The following SF3B2 variants were observed in gnomAD, a reference collection of about 807,000 sequenced individuals.
SF3B2 encodes the protein SAP 145.
A neutral mutation model predicts 116.3 loss-of-function variants in SF3B2; 22 were observed. The ratio of observed to expected loss-of-function variants is 0.19; its 90% CI spans 0.14 to 0.27. The LOEUF (loss-of-function observed/expected upper bound fraction) is 0.27. Among genes scored for constraint, SF3B2 ranks in the 10% least tolerant of loss-of-function variants. SF3B2 has a pLI of 1.00. For synonymous variants in SF3B2, 406 were observed against 421.6 expected (o/e 0.96, Z 0.45); for missense variants, 767 against 1,151.4 (o/e 0.67, Z 4.83).
intron 6 of SF3B2, 138 bp from the exon 7 acceptor site, chr11:66,057,128 C>T (rs966026791): frequency 2.3e-6 from 2 of 852,198 alleles, no homozygotes; most frequent in Non-Finnish European, 4.1e-6. Context: ...TGATCCAAAA[C>T]ATTACCAGCA....
chr11:66,067,584 C>G (rs1436046816), intron 19 of SF3B2: 8 of 464,934 alleles, frequency 1.7e-5, no homozygotes, highest in African/African-American at 4.0e-5. Context: ...GCATGACATT[C>G]TTCGGGTGGG....
intron 13 of SF3B2, 91 bp downstream of exon 13, chr11:66,060,100 C>T: frequency 9.4e-7 from 1 of 1,067,260 alleles, no homozygotes; most frequent in Non-Finnish European, 1.4e-6. Context: ...TTGAAACCCA[C>T]CTACCACCTA....
At chr11:66,055,912 G>C (rs1856985838) in intron 5 of SF3B2, 2 of 314,104 alleles carry the variant, frequency 6.4e-6, no homozygotes, top group East Asian at 1.1e-4. Flanking sequence ...TATAAAAAGA[G>C]CCTGCTGACC....
At chr11:66,068,507 C>G (rs531755686) in intron 21 of SF3B2, 167 bp from the exon 22 acceptor site, 1 of 861,506 alleles carries the variant, frequency 1.2e-6, no homozygotes, top group Non-Finnish European at 1.8e-6. Flanking sequence ...TCTTTAAGGA[C>G]GATGAGGGGG....
chr11:66,061,586 C>G (rs1452273664), intron 14 of SF3B2, 100 bp from the exon 15 acceptor site: 3 of 873,926 alleles, frequency 3.4e-6, no homozygotes, highest in Non-Finnish European at 5.7e-6. Flanking sequence ...GAGTGGGAGC[C>G]AGGTAGCCCT....
chr11:66,056,659 A>G (rs1857000307), intron 5 of SF3B2, among the ~76,000 whole-genome samples, 179 bp from the exon 6 acceptor site: 1 of 152,086 alleles, frequency 6.6e-6, no homozygotes. Context: ...CGTTGTGATG[A>G]GAGGGCTCCT....
chr11:66,058,336 T>C lies in SF3B2; in HGVS notation c.897T>C (p.Asp299=), dbSNP rs150494844. The change falls in exon 9 of 22, where the codon GAT becomes GAC. Residue 299 remains aspartate (D), a synonymous_variant. Coordinates refer to ENST00000322535, the MANE Select transcript of SF3B2 (RefSeq NM_006842.3). ...CAGAGGAAGAGGAAATGGAAACAGA[T>C]GCTCGCTCGTCCCTGGGCCAGTCAG... ...SQQEEEEMET[D]ARSSLGQSAS... 328 of 1,613,870 alleles carry C rather than the reference T, an allele frequency of 2.0e-4. No homozygotes were observed. Among genetic ancestry groups the C allele is most frequent in the Non-Finnish European group, 2.8e-4 (325 of 1,180,000 alleles).
chr11:66,057,215 C>T lies in SF3B2; in HGVS notation c.668-51C>T, dbSNP rs745683375. Reference sequence around the variant, plus strand: ...TTTCAGCAAGAGAGGTAATTTTTTACGTGAGTGTTTTGCCTCTTCTGACAT... The same window carrying T: ...TTTCAGCAAGAGAGGTAATTTTTTATGTGAGTGTTTTGCCTCTTCTGACAT... On this transcript the variant is annotated intron_variant, in intron 6 of 21. Coordinates refer to ENST00000322535, the MANE Select transcript of SF3B2 (RefSeq NM_006842.3). 23 of 1,168,504 alleles carry T rather than the reference C, an allele frequency of 2.0e-5. No individual in the cohort carries two copies. In the East Asian group the frequency reaches 3.5e-4, roughly 18 times the overall value. 72.4% of individuals were successfully genotyped at this position (1,168,504 alleles called of 1,614,324 possible). A position where few individuals can be genotyped will look rare whatever the true frequency, so the allele number is the denominator to read the frequency against.
chr11:66,058,208 C>A (rs562245151), intron 8 of SF3B2, 58 bp downstream of exon 8: 1 of 1,576,906 alleles, frequency 6.3e-7, no homozygotes, highest in South Asian at 1.1e-5. Flanking sequence ...TGAGCTGAGT[C>A]CTCATCCCTC....
intron 6 of SF3B2, 41 bp downstream of exon 6, chr11:66,056,996 T>G (rs778912954): frequency 7.0e-7 from 1 of 1,430,742 alleles, no homozygotes; most frequent in Non-Finnish European, 9.9e-7. Context: ...GGAAGGTGAT[T>G]TAGACATTTT....
chr11:66,059,670 G>A lies in SF3B2; in HGVS notation c.1401+75G>A. ...CCTGGGGAGCCAGGGAGGTGAAAAG[G>A]AGTTCTTTGAAGGAGGTGTGGGTGA... On this transcript the variant is annotated intron_variant, in intron 12 of 21. Transcript: ENST00000322535. This position sits in a 1 kb window ranked among gnomAD's most constrained non-coding sequence, Gnocchi z 5.0. 6.3e-7 allele frequency: 1 copy of A among 1,592,300 alleles called. No homozygotes were observed. The highest frequency in any genetic ancestry group is 8.6e-7 in the Non-Finnish European group (1 of 1,160,584).
In SF3B2 at chr11:66,069,200, G is replaced by A. The variant is rs2134482027; in HGVS notation, c.*455G>A. ...CTAGCGCGGCAGAGGAAGTAACAGT[G>A]GGCTTGGGAAGTAGGCCAGGGCAGG... On this transcript the variant is annotated 3_prime_UTR_variant, in exon 22 of 22. Transcript: ENST00000322535. The A allele has an allele frequency of 5.6e-6, 2 of 358,986 alleles. No homozygotes were observed. The highest frequency in any genetic ancestry group is 4.0e-5 in the South Asian group (2 of 49,628). 22.2% of individuals were successfully genotyped at this position (358,986 alleles called of 1,614,324 possible).
chr11:66,061,913 C>T lies in SF3B2; in HGVS notation c.1892C>T (p.Pro631Leu). The T allele has an allele frequency of 6.2e-7, 1 of 1,613,680 alleles. No individual in the cohort carries two copies. The highest frequency in any genetic ancestry group is 8.5e-7 in the Non-Finnish European group (1 of 1,179,808). ...VGPNAHKVPP[P>L]WLIAMQRYGP... is the part of the protein sequence containing the mutation. The stretch of plus-strand genomic sequence containing the variant: ...CAGAATGCCCACAAGGTCCCTCCCC[C>T]ATGGCTGATTGCCATGCAGCGATAT... Residue 631 changes from proline to leucine, a missense_variant, in exon 16 of 22, where the codon CCA becomes CTA. Transcript: ENST00000322535.
intron 16 of SF3B2, 24 bp from the exon 17 acceptor site, chr11:66,062,985 C>G (rs1224240804): frequency 3.9e-6 from 6 of 1,551,000 alleles, no homozygotes; most frequent in Non-Finnish European, 2.7e-6. Flanking sequence ...AAGGAGTGAA[C>G]TGATTGTGCT....
chr11:66,059,431 C>T lies in SF3B2; in HGVS notation c.1321-84C>T. ...GGGACCATGGTGAACTCTTACAGAG[C>T]TTTGGTGGCTTAAGGTTGGGGTGGG... On this transcript the variant is annotated intron_variant, in intron 11 of 21. Coordinates refer to ENST00000322535, the MANE Select transcript of SF3B2 (RefSeq NM_006842.3). This position sits in a 1 kb window ranked among gnomAD's most constrained non-coding sequence, Gnocchi z 5.0. 6.2e-7 allele frequency: 1 copy of T among 1,608,108 alleles called. No individual in the cohort carries two copies. Among genetic ancestry groups the T allele is most frequent in the South Asian group, 1.1e-5 (1 of 90,906 alleles).
intron 20 of SF3B2, 35 bp from the exon 21 acceptor site, chr11:66,068,113 C>T (rs776351864): frequency 1.9e-6 from 3 of 1,613,088 alleles, no homozygotes; most frequent in African/African-American, 2.7e-5. Flanking sequence ...TTCTCTGACT[C>T]TTTGGAGATG....
chr11:66,059,376 G>C lies in SF3B2; in HGVS notation c.1320+38G>C. 2.5e-6 allele frequency: 4 copies of C among 1,613,084 alleles called. No individual in the cohort carries two copies. The highest frequency in any genetic ancestry group is 3.4e-6 in the Non-Finnish European group (4 of 1,179,392). On this transcript the variant is annotated intron_variant, in intron 11 of 21. Coordinates refer to ENST00000322535, the MANE Select transcript of SF3B2 (RefSeq NM_006842.3). The surrounding 1 kb of genome is among the most constrained non-coding windows in gnomAD (Gnocchi z 5.0). ...CCTCCTGGTGGGAAGCAGGGACTCT[G>C]GGCACAGGTGGCTGAGATGCATCCA... is the stretch of plus-strand genomic sequence containing the variant.
At position 66,057,320 on chromosome 11, in the gene SF3B2, C is replaced by G; in HGVS notation, c.722C>G (p.Ala241Gly). The G allele has an allele frequency of 6.2e-7, 1 of 1,608,310 alleles. No individual in the cohort carries two copies. Among genetic ancestry groups the G allele is most frequent in the Non-Finnish European group, 8.5e-7 (1 of 1,174,718 alleles). The change falls in exon 7 of 22, where the codon GCC becomes GGC. Residue 241 changes from alanine (A) to glycine (G), a missense_variant. By Grantham distance (60) the Ala-to-Gly change is moderately conservative (BLOSUM62 0). Around this residue, in one of 4 missense-constraint regions of SF3B2, gnomAD observed 455 missense variants for 537.5 expected, o/e 0.85. Transcript: ENST00000322535. ...ACTCCTACAGTTTTGCCCATGGGAG[C>G]CCCTGTTCCCCGGCCTCGTGGTCCC... ...GPTPTVLPMG[A>G]PVPRPRGPPP...
At position 66,058,941 on chromosome 11, in the gene SF3B2, T is replaced by A; in HGVS notation, c.1078T>A (p.Ser360Thr). Residue 360 changes from serine to threonine, a missense_variant, in exon 10 of 22, where the codon TCT becomes ACT. Around this residue, in one of 4 missense-constraint regions of SF3B2, gnomAD observed 455 missense variants for 537.5 expected, o/e 0.85. Coordinates refer to ENST00000322535, the MANE Select transcript of SF3B2 (RefSeq NM_006842.3). ...GAAAGACTCAACCCGGTCCCGTGGC[T>A]CTGATTCCCCAGCAGCTGATGTTGA... ...REKDSTRSRG[S>T]DSPAADVEIE... 3 of 1,614,180 alleles carry A rather than the reference T, an allele frequency of 1.9e-6. No individual in the cohort carries two copies. Among genetic ancestry groups the A allele is most frequent in the Non-Finnish European group, 2.5e-6 (3 of 1,180,032 alleles).
Sources: allele counts gnomAD v4.1 joint callset (sites outside exome capture counted in the v4.1 genomes callset), GRCh38; gene constraint gnomAD v4.1.1; regional missense constraint gnomAD v4.1.1; non-coding constraint Gnocchi (gnomAD v3.1); transcripts MANE v1.5; gene names NCBI Gene and HGNC (gene_info 2026-07-23, HGNC 2026-07-21).